Variants in GNG4 observed in about 807,000 individuals in gnomAD.
GNG4 encodes the protein guanine nucleotide-binding protein G(I)/G(S)/G(O) subunit gamma-4.
A neutral mutation model predicts 5.8 loss-of-function variants in GNG4; 4 were observed. The observed-to-expected ratio is 0.69, with a 90% CI of 0.34 to 1.57. The LOEUF (loss-of-function observed/expected upper bound fraction) is 1.57. Ranked by LOEUF, GNG4 falls within the 40% of genes most tolerant of loss-of-function variation. The pLI, the probability that GNG4 is intolerant of heterozygous loss-of-function variation, is 0.06. For synonymous variants in GNG4, 29 were observed against 32.9 expected (o/e 0.88, Z 0.41); for missense variants, 96 against 95.1 (o/e 1.01, Z -0.04).
chr1:235,559,155 A>G (rs1686994056), intron 3 of GNG4, among the ~76,000 whole-genome samples: 1 of 152,220 alleles, frequency 6.6e-6, no homozygotes, highest in Non-Finnish European at 1.5e-5. Context: ...TACTACTGGG[A>G]ATCAAAAGCA....
Position 235,549,812 on chromosome 1 carries a change from A to G in GNG4, c.*2297T>C, listed in dbSNP as rs921811319. 2 of 152,240 alleles carry G rather than the reference A, an allele frequency of 1.3e-5. No homozygotes were observed. The highest frequency in any genetic ancestry group is 4.8e-5 in the African/African-American group (2 of 41,458). The allele number at this position is 152,240 out of a possible 1,614,324, so 9.4% of individuals were successfully genotyped here. ...CTTTGCAGGCAATTTTATGCCTCCAACGGAACCATGGTCTCTTTGAAGTCA... is the reference window on the plus strand; with the variant it reads ...CTTTGCAGGCAATTTTATGCCTCCAGCGGAACCATGGTCTCTTTGAAGTCA... On this transcript the variant is annotated 3_prime_UTR_variant, in exon 4 of 4. Coordinates refer to ENST00000391854, the MANE Select transcript of GNG4 (RefSeq NM_001098722.2).
intron 3 of GNG4, 30 bp downstream of exon 3, chr1:235,583,710 G>A (rs192590458): frequency 2.9e-5 from 40 of 1,399,580 alleles, no homozygotes; most frequent in Non-Finnish European, 3.6e-5. Context: ...AGCTTCGGGC[G>A]GAGGGTGGGG....
chr1:235,576,354 G>A (rs1041955934), intron 3 of GNG4, among the ~76,000 whole-genome samples: 11 of 152,050 alleles, frequency 7.2e-5, no homozygotes, highest in Non-Finnish European at 1.3e-4. Flanking sequence ...GAGCCACCGC[G>A]CCCAACCATA....
chr1:235,555,477 C>A (rs780911072), intron 3 of GNG4, among the ~76,000 whole-genome samples: 1 of 152,048 alleles, frequency 6.6e-6, no homozygotes, highest in African/African-American at 2.4e-5. Context: ...TCTTCTTATA[C>A]GTACGACTCT....
At position 235,584,537 on chromosome 1, in the gene GNG4, ACT is replaced by A. The variant is rs750911509; in HGVS notation, c.-10-691_-10-690del. ...ACAATAAACACACGCACAAACACAC[ACT>A]CTCTCTCTCTTTCTTCCCTATCCCA... On this transcript the variant is annotated intron_variant, in intron 2 of 3. Transcript: ENST00000391854. Among the ~76,000 whole-genome samples, 34 of 152,112 alleles carry A rather than the reference ACT, an allele frequency of 2.2e-4. 2 individuals carry two copies. The South Asian group carries it at 3.5e-3, about 16-fold the overall frequency.
At chr1:235,580,927 TTTTTAGTAGAGA>T in intron 3 of GNG4, among the ~76,000 whole-genome samples, 1 of 151,856 alleles carries the variant, frequency 6.6e-6, no homozygotes, top group Non-Finnish European at 1.5e-5. Flanking sequence ...ATTTTTGTAT[TTTTTAGTAGAGA>T]TGGGTTTTCA....
At chr1:235,637,750 T>C (rs910375030) in intron 1 of GNG4, among the ~76,000 whole-genome samples, 1 of 152,094 alleles carries the variant, frequency 6.6e-6, no homozygotes, top group Non-Finnish European at 1.5e-5. Flanking sequence ...ATAAGGATGC[T>C]GCGGGCACTT....
At chr1:235,600,345 C>T (rs1688231723) in intron 1 of GNG4, among the ~76,000 whole-genome samples, 1 of 151,896 alleles carries the variant, frequency 6.6e-6, no homozygotes, top group African/African-American at 2.4e-5. Context: ...GAACCCCTGA[C>T]CTCAAGTGAT....
At chr1:235,638,359 T>A (rs892622720) in intron 1 of GNG4, among the ~76,000 whole-genome samples, 1 of 152,158 alleles carries the variant, frequency 6.6e-6, no homozygotes, top group African/African-American at 2.4e-5. Flanking sequence ...CTGAAATGGG[T>A]CTCGATGGAC....
chr1:235,606,352 A>G (rs1688359496), intron 1 of GNG4, among the ~76,000 whole-genome samples: 1 of 152,110 alleles, frequency 6.6e-6, no homozygotes, highest in African/African-American at 2.4e-5. Context: ...ACTGAACTTC[A>G]GCCTGGGCGA....
At chr1:235,635,703 C>T (rs1689023603) in intron 1 of GNG4, among the ~76,000 whole-genome samples, 1 of 151,086 alleles carries the variant, frequency 6.6e-6, no homozygotes, top group Non-Finnish European at 1.5e-5. Context: ...ACAAAACCAA[C>T]TAATACATGG....
chr1:235,609,072 ATCT>A (rs1359041771), intron 1 of GNG4, among the ~76,000 whole-genome samples: 1 of 151,972 alleles, frequency 6.6e-6, no homozygotes, highest in African/African-American at 2.4e-5. Flanking sequence ...GCTCCAAGCG[ATCT>A]TCTTACCTTG....
At chr1:235,604,252 A>G (rs1017560644) in intron 1 of GNG4, among the ~76,000 whole-genome samples, 2 of 152,222 alleles carry the variant, frequency 1.3e-5, no homozygotes, top group African/African-American at 4.8e-5. Context: ...ACAGTCTAGA[A>G]TGAATTCATT....
intron 1 of GNG4, among the ~76,000 whole-genome samples, chr1:235,602,438 C>T (rs552748588): frequency 3.9e-5 from 6 of 152,156 alleles, no homozygotes; most frequent in Admixed American, 1.3e-4. Context: ...TGAGCGGCCC[C>T]GTTAGCCTGG....
intron 1 of GNG4, among the ~76,000 whole-genome samples, chr1:235,634,150 C>T (rs1369856755): frequency 6.6e-6 from 1 of 152,168 alleles, no homozygotes; most frequent in African/African-American, 2.4e-5. Context: ...TCCACCCCTG[C>T]ACCAGGAAGA....
At chr1:235,564,242 A>C (rs1014529400) in intron 3 of GNG4, among the ~76,000 whole-genome samples, 1 of 152,122 alleles carries the variant, frequency 6.6e-6, no homozygotes, top group African/African-American at 2.4e-5. Flanking sequence ...CAAAGATGGG[A>C]ATAGGAGACA....
chr1:235,589,824 G>A (rs956172708), intron 2 of GNG4, among the ~76,000 whole-genome samples: 3 of 152,204 alleles, frequency 2.0e-5, no homozygotes, highest in Admixed American at 6.5e-5. Context: ...AAAATGACCT[G>A]GATCCTTGAG....
At chr1:235,570,396 T>TC (rs1349992084) in intron 3 of GNG4, among the ~76,000 whole-genome samples, 7 of 144,640 alleles carry the variant, frequency 4.8e-5, no homozygotes, top group Admixed American at 2.1e-4. Flanking sequence ...CACCTCTTCT[T>TC]TTTTTTTTTT....
chr1:235,600,129 T>TTTTTTA (rs1289825136), intron 1 of GNG4, among the ~76,000 whole-genome samples: 1 of 113,016 alleles, frequency 8.8e-6, no homozygotes, highest in African/African-American at 3.4e-5. Flanking sequence ...TTTTTTTTTT[T>TTTTTTA]AGACAGGCAG....
Sources: gnomAD v4.1 joint callset for allele counts (sites outside exome capture counted in the v4.1 genomes callset) on GRCh38, gnomAD v4.1.1 for gene constraint, MANE v1.5 for transcripts, NCBI Gene and HGNC (gene_info 2026-07-23, HGNC 2026-07-21) for gene names.